The following SLCO1C1 variants were observed in gnomAD, a reference collection of about 807,000 sequenced individuals.
The protein encoded by SLCO1C1 is OAT-RP-5.
A neutral mutation model predicts 76.4 loss-of-function variants in SLCO1C1; 70 were observed. That is an observed-to-expected ratio of 0.92 (90% confidence interval 0.76 to 1.12). The LOEUF (loss-of-function observed/expected upper bound fraction) is 1.12, where lower values mean the gene tolerates loss of function less well. SLCO1C1 is among the 50% of genes most tolerant of loss of function. The pLI is 0.00. For missense variants in SLCO1C1, 912 were observed against 823.8 expected (o/e 1.11, Z -1.31); for synonymous variants, 306 against 286.1 (o/e 1.07, Z -0.70).
At chr12:20,724,233 A>T (rs891235164) in intron 9 of SLCO1C1, among the ~76,000 whole-genome samples, 1 of 151,672 alleles carries the variant, frequency 6.6e-6, no homozygotes, top group African/African-American at 2.4e-5. Context: ...CATGCATGCT[A>T]ATCAATGCTT....
At chr12:20,734,548 C>T (rs1436775304) in intron 10 of SLCO1C1, among the ~76,000 whole-genome samples, 1 of 152,106 alleles carries the variant, frequency 6.6e-6, no homozygotes, top group African/African-American at 2.4e-5. Flanking sequence ...CCTCAAAACA[C>T]CTTTATGAGT....
At chr12:20,707,313 A>G (rs955868774) in intron 4 of SLCO1C1, among the ~76,000 whole-genome samples, 1 of 151,980 alleles carries the variant, frequency 6.6e-6, no homozygotes, top group Non-Finnish European at 1.5e-5. Context: ...TGGGTCTCCA[A>G]CCTGCCTACT....
Position 20,711,457 on chromosome 12 carries a change from G to C in SLCO1C1, c.476G>C (p.Ser159Thr). 1 of 1,613,956 alleles carries C rather than the reference G, an allele frequency of 6.2e-7. No individual in the cohort carries two copies. Among genetic ancestry groups the C allele is most frequent in the Non-Finnish European group, 8.5e-7 (1 of 1,179,966 alleles). Residue 159 changes from serine to threonine, a missense_variant, in exon 5 of 15, where the codon AGC (serine) becomes ACC (threonine). Transcript: ENST00000266509. ...LSISPCLLES[S>T]SQLPVSVMEK... ...ATCTCTCCGTGTCTCCTAGAGTCAA[G>C]CAGTCAATTACCAGTTTCAGTTATG... is the stretch of plus-strand genomic sequence containing the variant.
chr12:20,709,810 A>G lies in SLCO1C1; in HGVS notation c.405-1576A>G, dbSNP rs1366698482. Reference sequence around the variant, plus strand: ...GCAGGAGAATGGCGTGAACCCGGGAAGCGGAGCTTGCAGTGAGCCGAGATT... The same window carrying G: ...GCAGGAGAATGGCGTGAACCCGGGAGGCGGAGCTTGCAGTGAGCCGAGATT... On this transcript the variant is annotated intron_variant, in intron 4 of 14. Coordinates refer to ENST00000266509, the MANE Select transcript of SLCO1C1 (RefSeq NM_017435.5). 1.7e-4 allele frequency among the ~76,000 whole-genome samples: 6 copies of G among 35,252 alleles called. 2 individuals are homozygous for G. The highest frequency in any genetic ancestry group is 2.6e-4 in the African/African-American group (3 of 11,398). The allele number at this position is 35,252 out of a possible 152,430, so 23.1% of individuals were successfully genotyped here.
chr12:20,721,666 A>T (rs77725992), intron 7 of SLCO1C1, 138 bp from the exon 8 acceptor site: 15,017 of 259,032 alleles, frequency 0.058, 121 homozygotes, highest in Non-Finnish European at 0.078. Flanking sequence ...AGATCCAGAT[A>T]AAAAAAAAAA....
At position 20,728,890 on chromosome 12, in the gene SLCO1C1, A is replaced by G. The variant is rs372495328; in HGVS notation, c.1187-4019A>G. On this transcript the variant is annotated intron_variant, in intron 9 of 14. Transcript: ENST00000266509. ...TTATATAATAAAATGTAACAACAATATAATAATAAATTAGCTCTTAAATGT... is the reference window on the plus strand; with the variant it reads ...TTATATAATAAAATGTAACAACAATGTAATAATAAATTAGCTCTTAAATGT... 5.3e-5 allele frequency among the ~76,000 whole-genome samples: 8 copies of G among 152,284 alleles called. No homozygotes were observed. The East Asian group carries it at 9.6e-4, about 18-fold the overall frequency.
chr12:20,701,572 C>CTTT (rs34463708), intron 3 of SLCO1C1, 113 bp downstream of exon 3: 27,848 of 512,552 alleles, frequency 0.054, 237 homozygotes, highest in Middle Eastern at 0.077. Context: ...TTCATAAAAT[C>CTTT]TTTTTTTTTT....
At chr12:20,701,548 G>A in intron 3 of SLCO1C1, 89 bp downstream of exon 3, 1 of 1,054,186 alleles carries the variant, frequency 9.5e-7, no homozygotes, top group African/African-American at 1.6e-5. Flanking sequence ...ATTGTCTGCT[G>A]GGATCAGACT....
intron 2 of SLCO1C1, chr12:20,699,944 G>A: frequency 1.2e-5 from 4 of 341,824 alleles, no homozygotes; most frequent in Non-Finnish European, 2.1e-5. Flanking sequence ...GAGAGAAATA[G>A]TAGAAACTAG....
chr12:20,742,378 A>G (rs930248310), intron 12 of SLCO1C1, among the ~76,000 whole-genome samples: 1 of 151,816 alleles, frequency 6.6e-6, no homozygotes, highest in Non-Finnish European at 1.5e-5. Flanking sequence ...AAATGATATA[A>G]TATGTAAGAA....
chr12:20,716,740 T>A (rs961214016), intron 6 of SLCO1C1, among the ~76,000 whole-genome samples: 10 of 142,558 alleles, frequency 7.0e-5, no homozygotes, highest in African/African-American at 2.3e-4. Context: ...AGAAATCCAT[T>A]TGAATGTCAA....
chr12:20,750,916 A>C (rs1484197536), intron 14 of SLCO1C1, 124 bp downstream of exon 14: 5 of 1,575,658 alleles, frequency 3.2e-6, no homozygotes, highest in East Asian at 2.3e-5. Flanking sequence ...GTCTAATCAA[A>C]AAGTGTGATC....
chr12:20,711,622 T>A, intron 5 of SLCO1C1, 112 bp downstream of exon 5: 2 of 1,076,768 alleles, frequency 1.9e-6, no homozygotes, highest in Non-Finnish European at 2.6e-6. Flanking sequence ...CTTTACTACT[T>A]AAATTGAGAT....
At chr12:20,700,556 G>A (rs1358468944) in intron 2 of SLCO1C1, among the ~76,000 whole-genome samples, 3 of 151,050 alleles carry the variant, frequency 2.0e-5, no homozygotes, top group African/African-American at 2.4e-5. Context: ...CCGTTAACTC[G>A]TCATTTACAT....
At chr12:20,704,878 A>T (rs1946701317) in intron 3 of SLCO1C1, among the ~76,000 whole-genome samples, 1 of 151,938 alleles carries the variant, frequency 6.6e-6, no homozygotes, top group Admixed American at 6.6e-5. Flanking sequence ...AATATCTCAA[A>T]TAAATATAGC....
intron 3 of SLCO1C1, among the ~76,000 whole-genome samples, chr12:20,702,463 TGGGCAATC>T (rs1946570191): frequency 6.6e-6 from 1 of 151,960 alleles, no homozygotes; most frequent in Non-Finnish European, 1.5e-5. Flanking sequence ...CACAAATAAC[TGGGCAATC>T]TTTTAAAAAT....
intron 12 of SLCO1C1, among the ~76,000 whole-genome samples, chr12:20,742,915 G>A (rs1054596951): frequency 6.6e-6 from 1 of 151,896 alleles, no homozygotes; most frequent in Non-Finnish European, 1.5e-5. Flanking sequence ...TTGGCCCTGT[G>A]CTTTTAGACA....
At chr12:20,732,770 C>A in intron 9 of SLCO1C1, 139 bp from the exon 10 acceptor site, 2 of 847,014 alleles carry the variant, frequency 2.4e-6, no homozygotes, top group Non-Finnish European at 3.6e-6. Context: ...ACTCATCATA[C>A]ACTCTTTGTA....
At chr12:20,740,783 T>TATATATGTATATATA (rs1406774430) in intron 12 of SLCO1C1, among the ~76,000 whole-genome samples, 1 of 53,994 alleles carries the variant, frequency 1.9e-5, no homozygotes, top group Non-Finnish European at 3.0e-5. Context: ...AGAATTTATT[T>TATATATGTATATATA]TATTTATATA....
Sources: allele counts gnomAD v4.1 joint callset (sites outside exome capture counted in the v4.1 genomes callset), GRCh38; gene constraint gnomAD v4.1.1; transcripts MANE v1.5; gene names NCBI Gene and HGNC (gene_info 2026-07-23, HGNC 2026-07-21).